ZNF469: variants seen among roughly 807,000 people sequenced by gnomAD.
The protein encoded by ZNF469 is zinc finger protein 469.
ZNF469 carries 1 observed loss-of-function variant against 1.0 expected under a neutral mutation model. That is an observed-to-expected ratio of 1.00 (90% CI 0.35 to 4.73). The LOEUF is 4.73. Ranked by LOEUF, ZNF469 falls within the 30% of genes most tolerant of loss-of-function variation. ZNF469 has a pLI of 0.16. For synonymous variants in ZNF469, 2,703 were observed against 2,363.4 expected (o/e 1.14, Z -4.17); for missense variants, 6,100 against 5,356.3 (o/e 1.14, Z -4.33).
chr16:88,382,809 G>C (rs773338585), upstream of ZNF469, among the ~76,000 whole-genome samples: 7 of 152,198 alleles, frequency 4.6e-5, no homozygotes, highest in Non-Finnish European at 8.8e-5. Context: ...GTGTGAAGAG[G>C]GGGTTCAGGG....
chr16:88,420,756 C>A (rs1182690911), intron 1 of ZNF469, among the ~76,000 whole-genome samples: 1 of 152,228 alleles, frequency 6.6e-6, no homozygotes, highest in African/African-American at 2.4e-5. Flanking sequence ...TTCTGTTTAA[C>A]CCTCTGACCA....
chr16:88,279,638 C>T, the ZNF469 span, among the ~76,000 whole-genome samples: 1 of 118,628 alleles, frequency 8.4e-6, no homozygotes, highest in South Asian at 3.1e-4. Context: ...CACTGACACT[C>T]GGTCAGTACC....
chr16:88,187,499 G>C, the ZNF469 span, among the ~76,000 whole-genome samples: 1 of 152,236 alleles, frequency 6.6e-6, no homozygotes, highest in Non-Finnish European at 1.5e-5. Context: ...AATTACAGTA[G>C]GACAGGGAGG....
chr16:88,328,673 T>C, the ZNF469 span, among the ~76,000 whole-genome samples: 3 of 152,098 alleles, frequency 2.0e-5, no homozygotes, highest in Non-Finnish European at 4.4e-5. Context: ...AGAAATCAGA[T>C]ACAACCCTCA....
the ZNF469 span, among the ~76,000 whole-genome samples, chr16:88,207,372 A>G: frequency 2.9e-5 from 1 of 34,034 alleles, no homozygotes; most frequent in Non-Finnish European, 5.7e-5. Flanking sequence ...GGCCGCGGGG[A>G]CGGAGGGGAG....
At chr16:88,155,845 G>A in the ZNF469 span, among the ~76,000 whole-genome samples, 1 of 152,202 alleles carries the variant, frequency 6.6e-6, no homozygotes, top group Admixed American at 6.5e-5. Context: ...AACTTGAGAA[G>A]CTGCACCATG....
chr16:88,117,620 G>A, the ZNF469 span, among the ~76,000 whole-genome samples: 2 of 151,954 alleles, frequency 1.3e-5, no homozygotes, highest in Non-Finnish European at 2.9e-5. Flanking sequence ...GAGGTGCCAC[G>A]TGTCTTCATG....
Position 88,411,458 on chromosome 16 carries a change from G to A in ZNF469, c.-191-13349G>A, listed in dbSNP as rs1365148666. Among the ~76,000 whole-genome samples the A allele has an allele frequency of 9.0e-5, 12 of 133,240 alleles. 1 individual carries two copies. The highest frequency in any genetic ancestry group is 2.3e-4 in the African/African-American group (8 of 34,758). The allele number at this position is 133,240 out of a possible 152,430, so 87.4% of individuals were successfully genotyped here. A position where few individuals can be genotyped will look rare whatever the true frequency, so the allele number is the denominator to read the frequency against. On this transcript the variant is annotated intron_variant, in intron 1 of 2. Transcript: ENST00000565624. ...CAGGCAGGTGAGCAGGCAGGGGTGC[G>A]AGTGGGCAGGGGTGCAAGCAGGCAG... is the stretch of plus-strand genomic sequence containing the variant.
the ZNF469 span, among the ~76,000 whole-genome samples, chr16:88,145,702 C>T: frequency 3.9e-5 from 6 of 152,252 alleles, no homozygotes; most frequent in African/African-American, 1.2e-4. Context: ...TCCTTATTCC[C>T]GATCCCAGGG....
At chr16:88,194,639 C>A in the ZNF469 span, 1 of 152,378 alleles carries the variant, frequency 6.6e-6, no homozygotes, top group Admixed American at 6.5e-5. Context: ...CTGCCCCCGG[C>A]GTCTCCTTCC....
chr16:88,196,779 C>T, the ZNF469 span, among the ~76,000 whole-genome samples: 4 of 152,180 alleles, frequency 2.6e-5, no homozygotes, highest in East Asian at 7.7e-4. Flanking sequence ...CAAGGCCACA[C>T]AGCCAGGCCA....
At chr16:88,204,094 C>T in the ZNF469 span, among the ~76,000 whole-genome samples, 1 of 150,022 alleles carries the variant, frequency 6.7e-6, no homozygotes, top group African/African-American at 2.5e-5. Context: ...CATAGAGCAG[C>T]CGGAGGTGCC....
chr16:88,304,277 CA>C, the ZNF469 span, among the ~76,000 whole-genome samples: 1 of 152,208 alleles, frequency 6.6e-6, no homozygotes, highest in Non-Finnish European at 1.5e-5. Context: ...GCCCCCACAC[CA>C]GTGACACCAG....
chr16:88,348,679 G>A, the ZNF469 span, among the ~76,000 whole-genome samples: 9 of 152,174 alleles, frequency 5.9e-5, no homozygotes, highest in South Asian at 2.1e-4. Flanking sequence ...GCCGTGAGAC[G>A]TGGGGACCTC....
chr16:88,132,410 G>C, the ZNF469 span, among the ~76,000 whole-genome samples: 1 of 152,220 alleles, frequency 6.6e-6, no homozygotes, highest in African/African-American at 2.4e-5. Flanking sequence ...AGCCCACCCA[G>C]AGCGCCGCGT....
At chr16:88,369,834 C>A in the ZNF469 span, among the ~76,000 whole-genome samples, 1 of 152,198 alleles carries the variant, frequency 6.6e-6, no homozygotes, top group Non-Finnish European at 1.5e-5. Context: ...CCCCAGCTTC[C>A]GGGGACAGTG....
At chr16:88,411,365 G>A (rs900296746) in intron 1 of ZNF469, among the ~76,000 whole-genome samples, 2 of 151,994 alleles carry the variant, frequency 1.3e-5, no homozygotes, top group African/African-American at 4.8e-5. Context: ...GTGGTCCAGG[G>A]GGAGTGGCGG....
At chr16:88,116,899 G>A in the ZNF469 span, among the ~76,000 whole-genome samples, 2 of 152,196 alleles carry the variant, frequency 1.3e-5, no homozygotes, top group African/African-American at 4.8e-5. Flanking sequence ...TGGTGGTGGT[G>A]GCAGTTACAC....
the ZNF469 span, among the ~76,000 whole-genome samples, chr16:88,361,959 G>A: frequency 1.0e-2 from 1,522 of 152,258 alleles, 27 homozygotes; most frequent in African/African-American, 0.032. Context: ...AAAACAAATC[G>A]TCATGTAAGT....
Sources: gnomAD v4.1 joint callset for allele counts (sites outside exome capture counted in the v4.1 genomes callset) on GRCh38, gnomAD v4.1.1 for gene constraint, MANE v1.5 for transcripts, NCBI Gene and HGNC (gene_info 2026-07-23, HGNC 2026-07-21) for gene names.